The following DCN variants were observed in gnomAD, a reference collection of about 807,000 sequenced individuals.
DCN encodes the protein decorin, also known as bone proteoglycan II.
Under a neutral mutation model 36.5 loss-of-function variants are expected in DCN, and 17 were observed. The ratio of observed to expected loss-of-function variants is 0.47; its 90% CI spans 0.32 to 0.70. DCN has a LOEUF of 0.70. Among genes scored for constraint, DCN ranks in the 30% least tolerant of loss-of-function variants. The pLI, the probability that DCN is intolerant of heterozygous loss-of-function variation, is 0.04. For synonymous variants in DCN, 163 were observed against 161.4 expected (o/e 1.01, Z -0.07); for missense variants, 389 against 430.1 (o/e 0.90, Z 0.84).
chr12:91,158,050 G>T (rs1284300941), intron 4 of DCN, among the ~76,000 whole-genome samples: 1 of 152,188 alleles, frequency 6.6e-6, no homozygotes, highest in Non-Finnish European at 1.5e-5. Flanking sequence ...CATATTGTGT[G>T]TGTGGTAGGG....
intron 2 of DCN, among the ~76,000 whole-genome samples, chr12:91,167,975 C>A (rs544906155): frequency 6.6e-6 from 1 of 152,184 alleles, no homozygotes; most frequent in East Asian, 1.9e-4. Context: ...GGACTACAGG[C>A]GTTTGCCACC....
intron 2 of DCN, among the ~76,000 whole-genome samples, chr12:91,170,791 G>A (rs937989024): frequency 6.6e-6 from 1 of 152,006 alleles, no homozygotes; most frequent in African/African-American, 2.4e-5. Flanking sequence ...AGTAAATTGT[G>A]GTAGAAATAC....
At position 91,144,420 on chromosome 12, in the gene DCN, T is replaced by A. The variant is rs951710535; in HGVS notation, c.*1638A>T. On this transcript the variant is annotated 3_prime_UTR_variant, in exon 8 of 8. Transcript: ENST00000052754. ...CCAATAGAAACCACCTATTCAACTGTAGTCATGAGAGGAGGATCTCTTGGG... is the reference window on the plus strand; with the variant it reads ...CCAATAGAAACCACCTATTCAACTGAAGTCATGAGAGGAGGATCTCTTGGG... 6.6e-6 allele frequency: 1 copy of A among 152,066 alleles called. No individual in the cohort carries two copies. The highest frequency in any genetic ancestry group is 1.5e-5 in the Non-Finnish European group (1 of 67,996). 9.4% of individuals were successfully genotyped at this position (152,066 alleles called of 1,614,324 possible).
At chr12:91,147,421 T>C (rs1881099288) in intron 7 of DCN, among the ~76,000 whole-genome samples, 1 of 152,258 alleles carries the variant, frequency 6.6e-6, no homozygotes, top group Non-Finnish European at 1.5e-5. Flanking sequence ...TATCAATATG[T>C]AGCATATTAT....
chr12:91,179,777 A>G (rs962291732), intron 1 of DCN: 5 of 152,208 alleles, frequency 3.3e-5, no homozygotes, highest in African/African-American at 1.2e-4. Flanking sequence ...TGGTATAAGC[A>G]AGATCGGCTT....
chr12:91,168,015 T>C (rs904883017), intron 2 of DCN, among the ~76,000 whole-genome samples: 4 of 152,096 alleles, frequency 2.6e-5, no homozygotes, highest in African/African-American at 4.8e-5. Context: ...GTATTTTTAG[T>C]AAAGATGGAG....
rs1276920977 is a variant in DCN at position 91,143,132 on chromosome 12, T to A, written c.*2926A>T. The A allele has an allele frequency of 6.6e-6, 1 of 152,120 alleles. No individual in the cohort carries two copies. The allele number at this position is 152,120 out of a possible 1,614,324, so 9.4% of individuals were successfully genotyped here. On this transcript the variant is annotated 3_prime_UTR_variant, in exon 8 of 8. Coordinates refer to ENST00000052754, the MANE Select transcript of DCN (RefSeq NM_001920.5). ...GGCATAAATTAGAGTCACGCTGCCA[T>A]AAGGCAAAGAACACCTAGATTTAAC...
At chr12:91,160,459 T>G (rs991957342) in intron 3 of DCN, among the ~76,000 whole-genome samples, 1 of 152,084 alleles carries the variant, frequency 6.6e-6, no homozygotes. Flanking sequence ...CCAAATATTG[T>G]TCTAAAGGCT....
At position 91,143,927 on chromosome 12, in the gene DCN, T is replaced by A. The variant is rs925371562; in HGVS notation, c.*2131A>T. ...GGGGAAGTTGTGTTGACAAGAGTGC[T>A]GGAGAATCAGGCCTGTTTCTCATTT... is the stretch of plus-strand genomic sequence containing the variant. On this transcript the variant is annotated 3_prime_UTR_variant, in exon 8 of 8. Transcript: ENST00000052754. 2.6e-5 allele frequency: 4 copies of A among 151,530 alleles called. No homozygotes were observed. The highest frequency in any genetic ancestry group is 5.9e-5 in the Non-Finnish European group (4 of 67,902). The allele number at this position is 151,530 out of a possible 1,614,324, so 9.4% of individuals were successfully genotyped here. A position where few individuals can be genotyped will look rare whatever the true frequency, so the allele number is the denominator to read the frequency against.
intron 3 of DCN, among the ~76,000 whole-genome samples, chr12:91,160,890 T>C (rs1882115155): frequency 6.6e-6 from 1 of 152,150 alleles, no homozygotes; most frequent in Admixed American, 6.5e-5. Context: ...CCACTATATA[T>C]AGGTATAAAA....
chr12:91,165,642 G>T (rs780107172), intron 2 of DCN, among the ~76,000 whole-genome samples: 21 of 151,962 alleles, frequency 1.4e-4, no homozygotes, highest in Non-Finnish European at 2.2e-4. Context: ...TCATATTGAA[G>T]TAGGACATCA....
chr12:91,152,088 T>C (rs1190355627), intron 6 of DCN, among the ~76,000 whole-genome samples: 4 of 152,190 alleles, frequency 2.6e-5, no homozygotes, highest in Non-Finnish European at 5.9e-5. Flanking sequence ...ACCATAATAT[T>C]GGAACATAAT....
chr12:91,159,865 A>G (rs1310888852), intron 3 of DCN, among the ~76,000 whole-genome samples: 1 of 152,086 alleles, frequency 6.6e-6, no homozygotes, highest in Non-Finnish European at 1.5e-5. Flanking sequence ...CTAATTTTGC[A>G]TTTTCAATTA....
intron 3 of DCN, among the ~76,000 whole-genome samples, chr12:91,164,188 G>T (rs1391497797): frequency 6.6e-6 from 1 of 151,860 alleles, no homozygotes; most frequent in African/African-American, 2.4e-5. Flanking sequence ...GACACAGGAA[G>T]GGGAATATCA....
rs144307891 is a variant in DCN, at chr12:91,151,660, G to A, written c.879C>T (p.Tyr293=). 5.0e-5 allele frequency: 81 copies of A among 1,614,016 alleles called. No homozygotes were observed. The highest frequency in any genetic ancestry group is 6.6e-5 in the South Asian group (6 of 91,068). Residue 293 remains tyrosine, a synonymous_variant, in exon 7 of 8, where the codon TAC becomes TAT. Transcript: ENST00000052754. ...RVPGGLAEHK[Y]IQVVYLHNNN... is the part of the protein sequence containing the mutation. ...AGCAGTGGCTTTGCATTACCTGGAT[G>A]TACTTATGCTCTGCCAGCCCACCAG...
intron 2 of DCN, chr12:91,169,918 G>A (rs1882843887): frequency 6.6e-6 from 1 of 152,106 alleles, no homozygotes; most frequent in African/African-American, 2.4e-5. Context: ...CAAAAAATTA[G>A]CCGGGCGTGG....
At chr12:91,157,938 T>C (rs536600872) in intron 4 of DCN, among the ~76,000 whole-genome samples, 1 of 152,294 alleles carries the variant, frequency 6.6e-6, no homozygotes, top group Admixed American at 6.5e-5. Context: ...ATAACATATT[T>C]TTAAAGCAAA....
intron 5 of DCN, among the ~76,000 whole-genome samples, chr12:91,154,303 C>A (rs1881620784): frequency 6.6e-6 from 1 of 152,106 alleles, no homozygotes; most frequent in Non-Finnish European, 1.5e-5. Flanking sequence ...CTGTTACGCA[C>A]CGAACATTGA....
chr12:91,150,628 T>C (rs1881344130), intron 7 of DCN, among the ~76,000 whole-genome samples: 1 of 152,118 alleles, frequency 6.6e-6, no homozygotes, highest in Admixed American at 6.5e-5. Flanking sequence ...TAGGAGTGCT[T>C]TTACATTGTT....
Sources: allele counts gnomAD v4.1 joint callset (sites outside exome capture counted in the v4.1 genomes callset), GRCh38; gene constraint gnomAD v4.1.1; transcripts MANE v1.5; gene names NCBI Gene and HGNC (gene_info 2026-07-23, HGNC 2026-07-21).